The following RANGAP1 variants were observed in gnomAD, a reference collection of about 807,000 sequenced individuals.
RANGAP1 encodes the protein Ran GTPase activating protein 1, also known as ran GTPase-activating protein 1.
A neutral mutation model predicts 63.5 loss-of-function variants in RANGAP1; 38 were observed. That is an observed-to-expected ratio of 0.60 (90% CI 0.46 to 0.78). RANGAP1 has a LOEUF of 0.78. RANGAP1 is among the 30% of genes least tolerant of loss of function. The pLI, the probability that RANGAP1 is intolerant of heterozygous loss-of-function variation, is 0.00. For synonymous variants in RANGAP1, 329 were observed against 310.5 expected (o/e 1.06, Z -0.63); for missense variants, 630 against 740.3 (o/e 0.85, Z 1.73).
Position 41,274,685 on chromosome 22 carries a change from T to C in RANGAP1, c.155A>G (p.Glu52Gly). 6.2e-7 allele frequency: 1 copy of C among 1,614,154 alleles called. No individual in the cohort carries two copies. ...IKEIEDFDSL[E>G]ALRLEGNTVG... ...TGTGTTGCCTTCCAGACGCAGAGCC[T>C]CCAAGCTGTCAAAGTCTTCAATCTC... The change falls in exon 3 of 16, where the codon GAG (glutamate) becomes GGG (glycine). Residue 52 changes from glutamate (E) to glycine (G), a missense_variant. Physicochemically the swap from Glu to Gly is moderately conservative, Grantham distance 98. This residue lies in a region of RANGAP1 where 65 missense variants were observed against 60.5 expected (regional missense o/e 1.07). Coordinates refer to ENST00000356244, the MANE Select transcript of RANGAP1 (RefSeq NM_002883.4).
the RANGAP1 span, among the ~76,000 whole-genome samples, chr22:41,294,468 C>T: frequency 8.0e-5 from 12 of 150,602 alleles, no homozygotes; most frequent in African/African-American, 2.7e-4. Context: ...TCTGCCCGGC[C>T]GCCACCCCGT....
At chr22:41,250,154 G>A (rs1489025653) in intron 13 of RANGAP1, among the ~76,000 whole-genome samples, 1 of 152,350 alleles carries the variant, frequency 6.6e-6, no homozygotes, top group Non-Finnish European at 1.5e-5. Flanking sequence ...GGAGGATTCA[G>A]GTTATTTTGG....
upstream of RANGAP1, among the ~76,000 whole-genome samples, chr22:41,290,158 AAGAG>A (rs1217806089): frequency 0.017 from 2,338 of 138,646 alleles, 55 homozygotes; most frequent in African/African-American, 0.06. Context: ...AAAAAAAAAA[AAGAG>A]AGAGAGAGAG....
At chr22:41,260,982 A>G (rs1303867447) in intron 6 of RANGAP1, among the ~76,000 whole-genome samples, 2 of 152,040 alleles carry the variant, frequency 1.3e-5, no homozygotes, top group Non-Finnish European at 2.9e-5. Flanking sequence ...GTGGAAGAGG[A>G]GTGGGGATAA....
the RANGAP1 span, among the ~76,000 whole-genome samples, chr22:41,295,314 A>G: frequency 7.8e-4 from 119 of 151,844 alleles, 1 homozygote; most frequent in East Asian, 0.021. Flanking sequence ...CTGTGTAGAA[A>G]GAGGTAGACA....
chr22:41,249,253 C>T (rs45627435), intron 15 of RANGAP1, 77 bp downstream of exon 15: 86,729 of 1,496,726 alleles, frequency 0.058, 2,914 homozygotes, highest in Non-Finnish European at 0.067. Flanking sequence ...CTGGGCCTCC[C>T]GGAACCGGGC....
At chr22:41,281,766 A>T in intron 1 of RANGAP1, 1 of 461,370 alleles carries the variant, frequency 2.2e-6, no homozygotes, top group Non-Finnish European at 2.9e-6. Context: ...AGTCTACCAG[A>T]AGATTTGGGT....
intron 2 of RANGAP1, among the ~76,000 whole-genome samples, chr22:41,278,406 C>G (rs891534453): frequency 2.0e-5 from 3 of 152,240 alleles, no homozygotes; most frequent in Non-Finnish European, 4.4e-5. Context: ...TACCACCTCC[C>G]TAAACCTCAG....
chr22:41,271,452 T>G (rs2034823582), intron 3 of RANGAP1, among the ~76,000 whole-genome samples: 1 of 149,000 alleles, frequency 6.7e-6, no homozygotes, highest in African/African-American at 2.5e-5. Context: ...ATCCCAGCAC[T>G]TTGGGAGGCC....
chr22:41,287,999 AAATT>A (rs1042532881), upstream of RANGAP1, among the ~76,000 whole-genome samples: 5 of 150,840 alleles, frequency 3.3e-5, no homozygotes, highest in Non-Finnish European at 5.9e-5. Flanking sequence ...ATAAATAAAT[AAATT>A]AATTAATTAA....
At chr22:41,280,534 C>G in intron 2 of RANGAP1, 10 of 634,392 alleles carry the variant, frequency 1.6e-5, no homozygotes, top group Non-Finnish European at 2.4e-5. Context: ...TCCACCAGAG[C>G]CTCAGCTCTG....
intron 2 of RANGAP1, among the ~76,000 whole-genome samples, chr22:41,279,049 G>C (rs1279561111): frequency 6.6e-6 from 1 of 152,148 alleles, no homozygotes; most frequent in African/African-American, 2.4e-5. Flanking sequence ...AGGATGAGGT[G>C]GGAGAATGAC....
At chr22:41,296,982 G>A in the RANGAP1 span, among the ~76,000 whole-genome samples, 13 of 152,280 alleles carry the variant, frequency 8.5e-5, no homozygotes, top group East Asian at 1.9e-4. Flanking sequence ...AGGCCGAGGC[G>A]GACAGATCAC....
At chr22:41,284,477 G>A (rs977272503) in intron 1 of RANGAP1, among the ~76,000 whole-genome samples, 4 of 151,994 alleles carry the variant, frequency 2.6e-5, no homozygotes, top group African/African-American at 9.7e-5. Flanking sequence ...TGAGGCAGGA[G>A]AATCGCTTGA....
At chr22:41,270,337 G>A (rs1413105327) in intron 3 of RANGAP1, among the ~76,000 whole-genome samples, 2 of 151,836 alleles carry the variant, frequency 1.3e-5, no homozygotes, top group African/African-American at 4.8e-5. Flanking sequence ...TAGAGATGGG[G>A]TTTCACCATG....
the RANGAP1 span, among the ~76,000 whole-genome samples, chr22:41,292,639 C>T: frequency 9.2e-5 from 14 of 151,372 alleles, no homozygotes; most frequent in Non-Finnish European, 1.6e-4. Flanking sequence ...CCCAGCTACT[C>T]GGGAGGCTGA....
At chr22:41,248,845 G>A (rs1278842498) in intron 15 of RANGAP1, among the ~76,000 whole-genome samples, 1 of 152,232 alleles carries the variant, frequency 6.6e-6, no homozygotes, top group Admixed American at 6.5e-5. Flanking sequence ...GGCAGCTCCC[G>A]TGGCAATGTG....
chr22:41,254,983 CA>C (rs5845494), intron 10 of RANGAP1, among the ~76,000 whole-genome samples: 35 of 138,056 alleles, frequency 2.5e-4, no homozygotes, highest in African/African-American at 3.5e-4. Context: ...CACAAAAAAA[CA>C]AAAAAAAAAA....
intron 3 of RANGAP1, among the ~76,000 whole-genome samples, chr22:41,269,665 C>A (rs1173857225): frequency 2.0e-5 from 3 of 151,240 alleles, no homozygotes; most frequent in African/African-American, 7.3e-5. Context: ...TCGCTGAAAA[C>A]CGGGAGGCAG....
Sources: allele counts gnomAD v4.1 joint callset (sites outside exome capture counted in the v4.1 genomes callset), GRCh38; gene constraint gnomAD v4.1.1; regional missense constraint gnomAD v4.1.1; transcripts MANE v1.5; gene names NCBI Gene and HGNC (gene_info 2026-07-23, HGNC 2026-07-21).